Variants in CHD1 observed in about 807,000 individuals in gnomAD.
The protein encoded by CHD1 is chromodomain helicase DNA binding protein 1.
In CHD1, 36 loss-of-function variants were observed where a neutral mutation model predicts 224.2. That is an observed-to-expected ratio of 0.16 (90% CI 0.12 to 0.21). CHD1 has a LOEUF of 0.21. Ranked by LOEUF, CHD1 falls within the 10% of genes least tolerant of loss-of-function variation. CHD1 has a pLI of 1.00. For missense variants in CHD1, 1,378 were observed against 1,994.8 expected, an observed-to-expected ratio of 0.69 and a Z score of 5.89; for synonymous variants, 668 against 658.3, an observed-to-expected ratio of 1.01 and a Z score of -0.23.
At position 98,855,446 on chromosome 5, in the gene CHD1, AGT is replaced by A. The variant is rs1488767236; in HGVS notation, c.*932_*933del. 6.6e-6 allele frequency: 1 copy of A among 152,522 alleles called. No homozygotes were observed. The highest frequency in any genetic ancestry group is 1.5e-5 in the Non-Finnish European group (1 of 67,996). 9.4% of individuals were successfully genotyped at this position (152,522 alleles called of 1,614,324 possible). A position where few individuals can be genotyped will look rare whatever the true frequency, so the allele number is the denominator to read the frequency against. ...TTTTAAACCAGATGCATCTGAAAAA[AGT>A]GTTTCCAGAGCATGCAGTTTAGATT... On this transcript the variant is annotated 3_prime_UTR_variant, in exon 36 of 36. Coordinates refer to ENST00000614616, the MANE Select transcript of CHD1 (RefSeq NM_001270.4).
intron 1 of CHD1, among the ~76,000 whole-genome samples, chr5:98,926,882 G>C (rs1216835713): frequency 7.7e-6 from 1 of 129,224 alleles, no homozygotes; most frequent in Non-Finnish European, 1.6e-5. Context: ...AGTAGATAAC[G>C]GAGTCTTATT....
rs541281117 is a variant in CHD1 at position 98,883,021 on chromosome 5, A to C, written c.2718+67T>G. On this transcript the variant is annotated intron_variant, in intron 19 of 35. Transcript: ENST00000614616. ...TCTTATCCTCTAGAGGATAAACTGA[A>C]ATCACTTCCAAAAAAAAAAAAAGAA... The C allele has an allele frequency of 3.6e-4, 318 of 875,732 alleles. 1 individual carries two copies. Among genetic ancestry groups the C allele is most frequent in the Middle Eastern group, 7.7e-4 (2 of 2,602 alleles). 54.2% of individuals were successfully genotyped at this position (875,732 alleles called of 1,614,324 possible). A position where few individuals can be genotyped will look rare whatever the true frequency, so the allele number is the denominator to read the frequency against.
chr5:98,907,732 T>C (rs1752141431), intron 2 of CHD1, among the ~76,000 whole-genome samples: 1 of 151,992 alleles, frequency 6.6e-6, no homozygotes. Flanking sequence ...TATTTATATA[T>C]ATTTGCTTGT....
At chr5:98,864,733 T>C (rs538019204) in intron 31 of CHD1, among the ~76,000 whole-genome samples, 3 of 152,160 alleles carry the variant, frequency 2.0e-5, no homozygotes, top group South Asian at 2.1e-4. Context: ...TTGAAGGACC[T>C]CTCTTATTAT....
At chr5:98,901,394 A>C in intron 5 of CHD1, 59 bp from the exon 6 acceptor site, 2 of 1,360,424 alleles carry the variant, frequency 1.5e-6, no homozygotes, top group South Asian at 2.8e-5. Context: ...TTTTATCCCT[A>C]ATACAAAGAT....
At chr5:98,882,151 T>C (rs111678920) in intron 19 of CHD1, 28 bp from the exon 20 acceptor site, 16 of 1,599,564 alleles carry the variant, frequency 1.0e-5, no homozygotes, top group African/African-American at 8.0e-5. Context: ...AGGAAACAAA[T>C]TGCAGTATAA....
intron 2 of CHD1, among the ~76,000 whole-genome samples, chr5:98,917,876 T>A (rs1752840890): frequency 6.6e-6 from 1 of 152,328 alleles, no homozygotes; most frequent in South Asian, 2.1e-4. Flanking sequence ...ATATTTTCAA[T>A]CATAAACACT....
chr5:98,892,643 T>G lies in CHD1; in HGVS notation c.2062A>C (p.Lys688Gln). ...CGTAACAGAAATGGCTCAAGCTCCT[T>G]GTGAAGGCTTGCATAACCATATTCT... is the stretch of plus-strand genomic sequence containing the variant. ...GREYGYASLHKELEPFLLRRV... is the reference protein window; with the variant it reads ...GREYGYASLHQELEPFLLRRV... The change falls in exon 15 of 36, where the codon AAG becomes CAG. Residue 688 changes from lysine (K) to glutamine (Q), a missense_variant. By Grantham distance (53) the Lys-to-Gln change is moderately conservative (BLOSUM62 1). Around this residue, in one of 16 missense-constraint regions of CHD1, gnomAD observed 37 missense variants for 118.9 expected, o/e 0.31. Transcript: ENST00000614616. 2 of 1,613,806 alleles carry G rather than the reference T, an allele frequency of 1.2e-6. No individual in the cohort carries two copies. Among genetic ancestry groups the G allele is most frequent in the Non-Finnish European group, 1.7e-6 (2 of 1,179,744 alleles).
rs1445490194 is a variant in CHD1 at position 98,869,618 on chromosome 5, GCGCGCA to G, written c.4107+130_4107+135del. 3.6e-4 allele frequency: 289 copies of G among 795,850 alleles called. No homozygotes were observed. In the African/African-American group the frequency reaches 8.2e-3, roughly 23 times the overall value. 49.3% of individuals were successfully genotyped at this position (795,850 alleles called of 1,614,324 possible). ...GAACTATAAGTGCGTGCGCACGTGC[GCGCGCA>G]CACACACACACACACACACACACAC... is the stretch of plus-strand genomic sequence containing the variant. On this transcript the variant is annotated intron_variant, in intron 30 of 35. Coordinates refer to ENST00000614616, the MANE Select transcript of CHD1 (RefSeq NM_001270.4).
At chr5:98,904,006 C>A in intron 3 of CHD1, 98 bp from the exon 4 acceptor site, 1 of 692,588 alleles carries the variant, frequency 1.4e-6, no homozygotes, top group Admixed American at 2.5e-5. Context: ...TTTACTGCCT[C>A]AAAGTAATAA....
At chr5:98,910,627 CTTTTT>C (rs931368051) in intron 2 of CHD1, among the ~76,000 whole-genome samples, 3 of 152,034 alleles carry the variant, frequency 2.0e-5, no homozygotes, top group Admixed American at 1.3e-4. Flanking sequence ...TTATTTTCCC[CTTTTT>C]TAACATGAGC....
intron 35 of CHD1, among the ~76,000 whole-genome samples, chr5:98,857,902 AAACG>A (rs1748162421): frequency 6.6e-6 from 1 of 152,090 alleles, no homozygotes; most frequent in Non-Finnish European, 1.5e-5. Context: ...ATATTCTTCA[AAACG>A]AACAATGAAC....
At chr5:98,882,806 T>C (rs1367783972) in intron 19 of CHD1, among the ~76,000 whole-genome samples, 1 of 152,074 alleles carries the variant, frequency 6.6e-6, no homozygotes, top group African/African-American at 2.4e-5. Context: ...AGTAAAGACG[T>C]TTTAAAGTTT....
At chr5:98,905,153 CT>C in intron 2 of CHD1, 55 bp from the exon 3 acceptor site, 1 of 1,600,422 alleles carries the variant, frequency 6.2e-7, no homozygotes, top group Non-Finnish European at 8.5e-7. Context: ...TTTAATTTTT[CT>C]TAGACGTCAG....
In CHD1 at chr5:98,900,958, C is replaced by G; in HGVS notation, c.712G>C (p.Val238Leu). ...TCATCCTCCTTATAGCTAACATTAA[C>G]AGTTGCTTGGCGACGAGAACTTCTT... The part of the protein sequence containing the change: ...DKRSSRRQAT[V>L]NVSYKEDEEM... The change falls in exon 7 of 36, where the codon GTT becomes CTT. Residue 238 changes from valine (V) to leucine (L), a missense_variant. Physicochemically the swap from Val to Leu is conservative, Grantham distance 32. This residue lies in a region of CHD1 where 306 missense variants were observed against 298.1 expected (regional missense o/e 1.03). Transcript: ENST00000614616. 6.2e-7 allele frequency: 1 copy of G among 1,614,064 alleles called. No individual in the cohort carries two copies. Among genetic ancestry groups the G allele is most frequent in the Non-Finnish European group, 8.5e-7 (1 of 1,179,982 alleles).
At chr5:98,880,919 A>C (rs1241678486) in intron 22 of CHD1, among the ~76,000 whole-genome samples, 157 bp downstream of exon 22, 9 of 152,240 alleles carry the variant, frequency 5.9e-5, no homozygotes, top group Non-Finnish European at 1.5e-5. Context: ...CTTTCAAATC[A>C]GTTTGCTACT....
intron 18 of CHD1, among the ~76,000 whole-genome samples, chr5:98,884,470 G>GTAATAAGA (rs1750498897): frequency 6.6e-6 from 1 of 152,010 alleles, no homozygotes; most frequent in African/African-American, 2.4e-5. Context: ...AGGATGCAAA[G>GTAATAAGA]TAATAAGAAT....
intron 9 of CHD1, 74 bp from the exon 10 acceptor site, chr5:98,898,508 T>C: frequency 7.5e-7 from 1 of 1,335,464 alleles, no homozygotes; most frequent in Non-Finnish European, 9.9e-7. Context: ...TAATTCTTAG[T>C]AAAGGCTACA....
Position 98,903,892 on chromosome 5 carries a change from G to T in CHD1, c.272C>A (p.Pro91His). 1 of 1,602,500 alleles carries T rather than the reference G, an allele frequency of 6.2e-7. No individual in the cohort carries two copies. Among genetic ancestry groups the T allele is most frequent in the Non-Finnish European group, 8.5e-7 (1 of 1,173,084 alleles). Residue 91 changes from proline to histidine, a missense_variant, in exon 4 of 36, where the codon CCT becomes CAT. By Grantham distance (77) the Pro-to-His change is moderately conservative. Around this residue, in one of 16 missense-constraint regions of CHD1, gnomAD observed 306 missense variants for 298.1 expected, o/e 1.03. Coordinates refer to ENST00000614616, the MANE Select transcript of CHD1 (RefSeq NM_001270.4). ...AGATCTCTGAACGGCCAGAATACTAGGACTAGATTTCCAAAACTATAATAG... is the reference window on the plus strand; with the variant it reads ...AGATCTCTGAACGGCCAGAATACTATGACTAGATTTCCAAAACTATAATAG... ...VDGAEFWKSS[P>H]SILAVQRSAI...
Sources: allele counts gnomAD v4.1 joint callset (sites outside exome capture counted in the v4.1 genomes callset), GRCh38; gene constraint gnomAD v4.1.1; regional missense constraint gnomAD v4.1.1; transcripts MANE v1.5; gene names NCBI Gene and HGNC (gene_info 2026-07-23, HGNC 2026-07-21).